LY6S: variants seen among roughly 807,000 people sequenced by gnomAD.
The protein encoded by LY6S is lymphocyte antigen 6S.
At chr8:143,070,432 ATTATATATATATTG>A in the LY6S span, among the ~76,000 whole-genome samples, 43 of 98,034 alleles carry the variant, frequency 4.4e-4, 1 homozygote, top group African/African-American at 2.3e-3. Context: ...TTATATATAT[ATTATATATATATTG>A]TATATATATA....
chr8:143,070,695 C>A, the LY6S span, among the ~76,000 whole-genome samples: 1 of 151,068 alleles, frequency 6.6e-6, no homozygotes, highest in Non-Finnish European at 1.5e-5. Flanking sequence ...CCATGTTGGC[C>A]AGGCTGTTCT....
the LY6S span, among the ~76,000 whole-genome samples, chr8:143,060,234 C>T: frequency 1.3e-5 from 2 of 151,876 alleles, no homozygotes; most frequent in Non-Finnish European, 2.9e-5. Flanking sequence ...GAAAGGGAGT[C>T]TCCCTTTCCC....
the LY6S span, among the ~76,000 whole-genome samples, chr8:143,074,583 ATC>A: frequency 6.6e-6 from 1 of 151,924 alleles, no homozygotes; most frequent in African/African-American, 2.4e-5. Context: ...CATAGCTTTC[ATC>A]TCTCTGTTGA....
chr8:143,074,358 T>G, the LY6S span, among the ~76,000 whole-genome samples: 1 of 152,102 alleles, frequency 6.6e-6, no homozygotes, highest in Non-Finnish European at 1.5e-5. Flanking sequence ...GTTTGTGTAC[T>G]TTTAATTCTA....
the LY6S span, among the ~76,000 whole-genome samples, chr8:143,065,762 CTTTCTTT>C: frequency 1.3e-5 from 2 of 148,838 alleles, no homozygotes; most frequent in East Asian, 2.0e-4. Context: ...TTCTTTCTTT[CTTTCTTT>C]TCTCTTTCTT....
At chr8:143,048,326 TG>T in the LY6S span, among the ~76,000 whole-genome samples, 37 of 152,328 alleles carry the variant, frequency 2.4e-4, no homozygotes, top group African/African-American at 8.9e-4. Flanking sequence ...ATTCAGTATT[TG>T]GGCTGTTTCG....
the LY6S span, chr8:143,042,877 A>G: frequency 1.7e-6 from 1 of 571,468 alleles, no homozygotes; most frequent in Non-Finnish European, 3.1e-6. Context: ...CTCTGAAAAA[A>G]GTGGTGTTGT....
the LY6S span, among the ~76,000 whole-genome samples, chr8:143,071,738 C>T: frequency 1.4e-4 from 22 of 152,292 alleles, no homozygotes; most frequent in African/African-American, 5.3e-4. Context: ...CCCACAAGCT[C>T]GCAGGAGGAC....
the LY6S span, among the ~76,000 whole-genome samples, chr8:143,059,501 G>A: frequency 6.6e-6 from 1 of 152,232 alleles, no homozygotes; most frequent in South Asian, 2.1e-4. Flanking sequence ...GGCAAGAGAA[G>A]CAGAATAATA....
chr8:143,075,398 A>G, the LY6S span, among the ~76,000 whole-genome samples: 2 of 152,200 alleles, frequency 1.3e-5, no homozygotes, highest in Non-Finnish European at 2.9e-5. The surrounding 1 kb of genome is among the most constrained non-coding windows in gnomAD (Gnocchi z 4.1). Context: ...CTAATGGCTG[A>G]GAACATTATT....
the LY6S span, among the ~76,000 whole-genome samples, chr8:143,070,459 TATATAATATATATATAA>T: frequency 2.8e-4 from 13 of 46,240 alleles, no homozygotes; most frequent in African/African-American, 7.9e-4. Flanking sequence ...TATATATATA[TATATAATATATATATAA>T]ATATATATAT....
chr8:143,049,131 C>T, the LY6S span: 4 of 533,714 alleles, frequency 7.5e-6, no homozygotes, highest in Admixed American at 7.8e-5. Context: ...GGGGATGTCC[C>T]ACACCCTGTC....
the LY6S span, among the ~76,000 whole-genome samples, chr8:143,060,397 TAC>T: frequency 6.6e-6 from 1 of 152,270 alleles, no homozygotes; most frequent in Non-Finnish European, 1.5e-5. Flanking sequence ...TTCCGCCCTG[TAC>T]ACCTGGCTCC....
At chr8:143,065,820 T>TTTCTTTCTTTCCTTCC in the LY6S span, 5 of 143,004 alleles carry the variant, frequency 3.5e-5, no homozygotes, top group African/African-American at 8.4e-5. Context: ...TCTTTCTTTC[T>TTTCTTTCTTTCCTTCC]TTCCTTCCTT....
chr8:143,063,594 T>C, the LY6S span, among the ~76,000 whole-genome samples: 6 of 152,352 alleles, frequency 3.9e-5, no homozygotes, highest in African/African-American at 1.4e-4. Flanking sequence ...ACAAACAATG[T>C]CCAGTCTGCA....
the LY6S span, among the ~76,000 whole-genome samples, chr8:143,046,500 C>T: frequency 6.6e-6 from 1 of 151,102 alleles, no homozygotes; most frequent in Non-Finnish European, 1.5e-5. Context: ...ATGGCATGAA[C>T]CCGGGAGGCA....
At chr8:143,046,481 G>C in the LY6S span, among the ~76,000 whole-genome samples, 1 of 151,688 alleles carries the variant, frequency 6.6e-6, no homozygotes, top group African/African-American at 2.4e-5. Flanking sequence ...GGGAGGCTAA[G>C]GCAGGAGAAT....
At chr8:143,063,224 T>C in the LY6S span, among the ~76,000 whole-genome samples, 9 of 152,330 alleles carry the variant, frequency 5.9e-5, no homozygotes, top group South Asian at 4.1e-4. Flanking sequence ...TATAATTTCA[T>C]AGGGACTTAA....
chr8:143,057,527 C>G, the LY6S span: 1 of 839,426 alleles, frequency 1.2e-6, no homozygotes, highest in South Asian at 1.4e-5. Context: ...GGATTACAGG[C>G]GTGAGCCACT....
Sources: gnomAD v4.1 joint callset for allele counts (sites outside exome capture counted in the v4.1 genomes callset) on GRCh38, gnomAD v4.1.1 for gene constraint, Gnocchi (gnomAD v3.1) non-coding constraint, MANE v1.5 for transcripts, NCBI Gene and HGNC (gene_info 2026-07-23, HGNC 2026-07-21) for gene names.